The following OSBPL8 variants were observed in gnomAD, a reference collection of about 807,000 sequenced individuals.
OSBPL8 encodes the protein oxysterol-binding protein-related protein 8.
OSBPL8 carries 59 observed loss-of-function variants against 125.5 expected under a neutral mutation model. The ratio of observed to expected loss-of-function variants is 0.47; its 90% CI spans 0.38 to 0.58. The LOEUF (loss-of-function observed/expected upper bound fraction) is 0.58, where lower values mean the gene tolerates loss of function less well. Among genes scored for constraint, OSBPL8 ranks in the 20% least tolerant of loss-of-function variants. The pLI is 0.00. For missense variants in OSBPL8, 758 were observed against 1,047.8 expected, an observed-to-expected ratio of 0.72 and a Z score of 3.82; for synonymous variants, 330 against 338.9, an observed-to-expected ratio of 0.97 and a Z score of 0.29.
At chr12:76,518,245 A>G (rs1223851236) in intron 1 of OSBPL8, among the ~76,000 whole-genome samples, 2 of 152,238 alleles carry the variant, frequency 1.3e-5, no homozygotes, top group Non-Finnish European at 1.5e-5. Flanking sequence ...ACAGGCCACA[A>G]GCAAGTCCAA....
intron 1 of OSBPL8, among the ~76,000 whole-genome samples, chr12:76,545,196 A>G (rs1359574996): frequency 6.6e-6 from 1 of 152,214 alleles, no homozygotes; most frequent in Non-Finnish European, 1.5e-5. Context: ...CAAATATGAT[A>G]CTGGCAACCA....
intron 2 of OSBPL8, among the ~76,000 whole-genome samples, chr12:76,469,472 C>G (rs1044176235): frequency 6.6e-6 from 1 of 152,300 alleles, no homozygotes; most frequent in South Asian, 2.1e-4. Flanking sequence ...GACTCTGTAC[C>G]TCCACCTTCC....
chr12:76,436,483 T>C (rs771132597), intron 4 of OSBPL8, among the ~76,000 whole-genome samples: 1 of 151,504 alleles, frequency 6.6e-6, no homozygotes, highest in East Asian at 1.9e-4. Context: ...GCCCAATATC[T>C]ATCTGCATTT....
rs772858797 is a variant in OSBPL8 at position 76,459,883 on chromosome 12, T to C, written c.55A>G (p.Ser19Gly). 3.7e-6 allele frequency: 6 copies of C among 1,613,810 alleles called. 1 individual carries two copies. The South Asian group carries it at 6.6e-5, about 18-fold the overall frequency. The change falls in exon 3 of 24, where the codon AGC (serine) becomes GGC (glycine). Residue 19 changes from serine (S) to glycine (G), a missense_variant. Coordinates refer to ENST00000261183, the MANE Select transcript of OSBPL8 (RefSeq NM_020841.5). ...EPDRTSLLGD[S>G]KDVLGPSTVV... ...CTTGATGGCCCAAGGACATCTTTGC[T>C]ATCACCAAGAAGCTTTTAAGGCAGG...
rs1439547078 is a variant in OSBPL8 at position 76,389,625 on chromosome 12, A to C, written c.1352+20T>G. 1 of 1,483,222 alleles carries C rather than the reference A, an allele frequency of 6.7e-7. No individual in the cohort carries two copies. Among genetic ancestry groups the C allele is most frequent in the African/African-American group, 1.4e-5 (1 of 70,500 alleles). 91.9% of individuals were successfully genotyped at this position (1,483,222 alleles called of 1,614,324 possible). A position where few individuals can be genotyped will look rare whatever the true frequency, so the allele number is the denominator to read the frequency against. ...AAATCATGAAGTATTGTCTATTTTA[A>C]GAAATAAGAATCTACTTACTCAGAT... On this transcript the variant is annotated intron_variant, in intron 12 of 23. Transcript: ENST00000261183.
chr12:76,541,781 G>C (rs915449980), intron 1 of OSBPL8, among the ~76,000 whole-genome samples: 3 of 150,286 alleles, frequency 2.0e-5, no homozygotes, highest in Non-Finnish European at 4.4e-5. Flanking sequence ...GTTTGAACCC[G>C]GGAGGTGGAG....
At position 76,483,900 on chromosome 12, in the gene OSBPL8, C is replaced by T. The variant is rs184940340; in HGVS notation, c.42+3610G>A. ...ATGTTGGCCAGGCTGGTTTTGAACT[C>T]CTGACCTTAGGTGATCTGTACGCCT... is the stretch of plus-strand genomic sequence containing the variant. On this transcript the variant is annotated intron_variant, in intron 2 of 23. Coordinates refer to ENST00000261183, the MANE Select transcript of OSBPL8 (RefSeq NM_020841.5). Among the ~76,000 whole-genome samples the T allele has an allele frequency of 5.5e-4, 83 of 152,016 alleles. No homozygotes were observed. The East Asian group carries it at 0.015, about 27-fold the overall frequency.
intron 1 of OSBPL8, among the ~76,000 whole-genome samples, chr12:76,530,464 A>G (rs942672214): frequency 5.9e-5 from 9 of 152,166 alleles, no homozygotes; most frequent in African/African-American, 2.2e-4. Flanking sequence ...TTTATCAAAT[A>G]GATCTTCCCT....
chr12:76,427,332 T>C (rs369028280), intron 4 of OSBPL8, among the ~76,000 whole-genome samples: 2 of 152,058 alleles, frequency 1.3e-5, no homozygotes, highest in East Asian at 1.9e-4. Context: ...ATTATATATG[T>C]ATACTCGCAC....
At chr12:76,461,627 C>T (rs916829676) in intron 2 of OSBPL8, among the ~76,000 whole-genome samples, 18 of 151,934 alleles carry the variant, frequency 1.2e-4, no homozygotes, top group Non-Finnish European at 1.5e-5. Flanking sequence ...TTAGTAGAGA[C>T]GGGGTTTCAC....
chr12:76,381,925 G>A (rs1477603625), intron 15 of OSBPL8, among the ~76,000 whole-genome samples: 1 of 151,996 alleles, frequency 6.6e-6, no homozygotes, highest in Non-Finnish European at 1.5e-5. Flanking sequence ...AGTAGAGACA[G>A]GGTTTCACCA....
At chr12:76,443,548 T>A (rs34609605) in intron 4 of OSBPL8, among the ~76,000 whole-genome samples, 77,240 of 151,924 alleles carry the variant, frequency 0.51, 21,364 homozygotes, top group African/African-American at 0.72. Flanking sequence ...TTGCTCTGTC[T>A]CCCAGGCTGG....
Position 76,353,871 on chromosome 12 carries a change from C to T in OSBPL8, c.*2018G>A, listed in dbSNP as rs372018425. ...AAAAAGAAATTTTAAAAATAAAGAA[C>T]ACAACTACCTATTTAGTCTTAGAAG... On this transcript the variant is annotated 3_prime_UTR_variant, in exon 24 of 24. Coordinates refer to ENST00000261183, the MANE Select transcript of OSBPL8 (RefSeq NM_020841.5). 1.3e-5 allele frequency: 2 copies of T among 152,330 alleles called. No homozygotes were observed. Among genetic ancestry groups the T allele is most frequent in the East Asian group, 3.8e-4 (2 of 5,200 alleles). The allele number at this position is 152,330 out of a possible 1,614,324, so 9.4% of individuals were successfully genotyped here.
At position 76,429,074 on chromosome 12, in the gene OSBPL8, G is replaced by A. The variant is rs114356982; in HGVS notation, c.218-18440C>T. On this transcript the variant is annotated intron_variant, in intron 4 of 23. Transcript: ENST00000261183. ...AATTATACCAAGCAATCTTATTATC[G>A]TACATTTCCTCAGAAAACATTGCTG... is the stretch of plus-strand genomic sequence containing the variant. Among the ~76,000 whole-genome samples, 973 of 151,908 alleles carry A rather than the reference G, an allele frequency of 6.4e-3. 12 individuals are homozygous for A. Among genetic ancestry groups the A allele is most frequent in the African/African-American group, 0.023 (937 of 41,408 alleles).
intron 1 of OSBPL8, among the ~76,000 whole-genome samples, chr12:76,490,133 G>A (rs1878557978): frequency 6.6e-6 from 1 of 152,162 alleles, no homozygotes. Context: ...ACTTCTTATG[G>A]ATGAACAAAG....
chr12:76,482,945 A>G (rs1877684728), intron 2 of OSBPL8, among the ~76,000 whole-genome samples: 1 of 152,180 alleles, frequency 6.6e-6, no homozygotes, highest in Non-Finnish European at 1.5e-5. Context: ...TAGAATAACA[A>G]GTGAGCAAAT....
chr12:76,505,555 T>C (rs1376225705), intron 1 of OSBPL8, among the ~76,000 whole-genome samples: 1 of 152,208 alleles, frequency 6.6e-6, no homozygotes, highest in Non-Finnish European at 1.5e-5. Context: ...GAAGGAGTTG[T>C]CTGATATGTC....
chr12:76,397,950 A>G, intron 7 of OSBPL8, 53 bp from the exon 8 acceptor site: 1 of 1,478,196 alleles, frequency 6.8e-7, no homozygotes, highest in Non-Finnish European at 9.4e-7. Flanking sequence ...CCAAGGTCCA[A>G]ACGAAAATAC....
chr12:76,558,844 T>C (rs562329513), intron 1 of OSBPL8, among the ~76,000 whole-genome samples: 1 of 152,274 alleles, frequency 6.6e-6, no homozygotes, highest in African/African-American at 2.4e-5. Context: ...GAAACAAACA[T>C]TAAATTTAAA....
Sources: allele counts gnomAD v4.1 joint callset (sites outside exome capture counted in the v4.1 genomes callset), GRCh38; gene constraint gnomAD v4.1.1; transcripts MANE v1.5; gene names NCBI Gene and HGNC (gene_info 2026-07-23, HGNC 2026-07-21).